Variants in FN1 observed in about 807,000 individuals in gnomAD.
FN1 encodes fibronectin.
FN1 carries 106 observed loss-of-function variants against 297.3 expected under a neutral mutation model. The observed-to-expected ratio is 0.36, with a 90% CI of 0.30 to 0.42. FN1 has a LOEUF of 0.42. Ranked by LOEUF, FN1 falls within the 10% of genes least tolerant of loss-of-function variation. The pLI is 1.00. For synonymous variants in FN1, 1,149 were observed against 1,152.6 expected, an observed-to-expected ratio of 1.00 and a Z score of 0.06; for missense variants, 2,690 against 3,124.9, an observed-to-expected ratio of 0.86 and a Z score of 3.32.
At position 215,373,413 on chromosome 2, in the gene FN1, T is replaced by A. The variant is rs112821583; in HGVS notation, c.6158-2A>T. ...TATATTCGGTTCCCGGTTCCAGGCCTGAAGGGAGAATAGAACCATCACATT... is the reference window on the plus strand; with the variant it reads ...TATATTCGGTTCCCGGTTCCAGGCCAGAAGGGAGAATAGAACCATCACATT... On this transcript the variant is annotated splice_acceptor_variant, in intron 38 of 45. Transcript: ENST00000354785. LOFTEE classifies it high-confidence loss of function. 1 of 1,611,034 alleles carries A rather than the reference T, an allele frequency of 6.2e-7. No individual in the cohort carries two copies. Among genetic ancestry groups the A allele is most frequent in the Admixed American group, 1.7e-5 (1 of 59,950 alleles).
rs2118413 is a variant in FN1, at chr2:215,393,183, G to T, written c.3817C>A (p.Leu1273Ile). Residue 1273 changes from leucine (L) to isoleucine (I), a missense_variant, in exon 25 of 46, where the codon CTA (leucine) becomes ATA (isoleucine). Leu to Ile is a conservative substitution (Grantham distance 5). Coordinates refer to ENST00000354785, the MANE Select transcript of FN1 (RefSeq NM_212482.4). ...GAATCGGTTATATCAACAAAGCTTA[G>T]GTCAGTGAGTTGGGGCACCTCTATT... is the stretch of plus-strand genomic sequence containing the variant. ...IIPEVPQLTD[L>I]SFVDITDSSI... The T allele has an allele frequency of 6.2e-7, 1 of 1,613,856 alleles. No homozygotes were observed.
At chr2:215,422,272 T>C in intron 9 of FN1, 29 bp from the exon 10 acceptor site, 1 of 1,608,574 alleles carries the variant, frequency 6.2e-7, no homozygotes, top group Non-Finnish European at 8.5e-7. Context: ...GAAATGCACT[T>C]GATAAATGAT....
intron 42 of FN1, chr2:215,367,605 C>A (rs2054891288): frequency 4.1e-6 from 2 of 484,820 alleles, no homozygotes; most frequent in Non-Finnish European, 7.5e-6. Context: ...TTTCAAAAAT[C>A]AAATTAGCAC....
Position 215,409,547 on chromosome 2 carries a change from G to A in FN1, c.2299+16C>T, listed in dbSNP as rs201231230. On this transcript the variant is annotated intron_variant, in intron 15 of 45. Transcript: ENST00000354785. Reference sequence around the variant, plus strand: ...CAGCTGCCCTGAACCTGTCTTGAGCGACATATTGAGCTTACCCAGGTACTG... The same window carrying A: ...CAGCTGCCCTGAACCTGTCTTGAGCAACATATTGAGCTTACCCAGGTACTG... 3.0e-5 allele frequency: 48 copies of A among 1,611,652 alleles called. No individual in the cohort carries two copies. The East Asian group carries it at 5.1e-4, about 17-fold the overall frequency.
At chr2:215,368,433 C>T (rs1413472407) in intron 41 of FN1, among the ~76,000 whole-genome samples, 2 of 152,182 alleles carry the variant, frequency 1.3e-5, no homozygotes, top group Non-Finnish European at 2.9e-5. Context: ...TTGCTTCCCT[C>T]ATCTGCAATA....
At chr2:215,370,194 GAT>G in intron 41 of FN1, 98 bp downstream of exon 41, 1 of 1,244,646 alleles carries the variant, frequency 8.0e-7, no homozygotes, top group Non-Finnish European at 1.2e-6. Context: ...AAATCCCAAA[GAT>G]AAAAAGACAA....
chr2:215,408,733 A>G (rs2062140663), intron 15 of FN1, among the ~76,000 whole-genome samples: 1 of 151,304 alleles, frequency 6.6e-6, no homozygotes, highest in African/African-American at 2.4e-5. Context: ...ACACCCGGCT[A>G]TTTTTTTTGC....
Position 215,428,284 on chromosome 2 carries a change from C to G in FN1, c.740G>C (p.Ser247Thr). 3.7e-6 allele frequency: 6 copies of G among 1,614,178 alleles called. No homozygotes were observed. The highest frequency in any genetic ancestry group is 5.1e-6 in the Non-Finnish European group (6 of 1,179,980). Residue 247 changes from serine (S) to threonine (T), a missense_variant, in exon 6 of 46, where the codon AGC (serine) becomes ACC (threonine). Physicochemically the swap from Ser to Thr is moderately conservative, Grantham distance 58 (BLOSUM62 1). This residue lies in a region of FN1 where 876 missense variants were observed against 1,058.1 expected (regional missense o/e 0.83). Coordinates refer to ENST00000354785, the MANE Select transcript of FN1 (RefSeq NM_212482.4). Reference sequence around the variant, plus strand: ...CAGGTTTCCTCGATTATCCTTCTTGCTCCAGGTGTCTCCAATTCTATAGGA... The same window carrying G: ...CAGGTTTCCTCGATTATCCTTCTTGGTCCAGGTGTCTCCAATTCTATAGGA... Reference protein sequence around the residue: ...RTSYRIGDTWSKKDNRGNLLQ... With the variant: ...RTSYRIGDTWTKKDNRGNLLQ...
At chr2:215,393,333 A>G (rs2059933111) in intron 24 of FN1, 130 bp from the exon 25 acceptor site, 1 of 817,014 alleles carries the variant, frequency 1.2e-6, no homozygotes, top group Non-Finnish European at 1.9e-6. Context: ...AATGATGGTA[A>G]TATGCAATCT....
intron 38 of FN1, 135 bp downstream of exon 38, chr2:215,375,079 A>T (rs763424364): frequency 5.6e-6 from 5 of 900,700 alleles, no homozygotes; most frequent in Non-Finnish European, 9.1e-6. Flanking sequence ...CTACACAGAG[A>T]ATGCTTTTTG....
intron 20 of FN1, among the ~76,000 whole-genome samples, chr2:215,401,543 T>G (rs1168055924): frequency 6.6e-6 from 1 of 152,154 alleles, no homozygotes; most frequent in Non-Finnish European, 1.5e-5. Flanking sequence ...CAATTCTTCC[T>G]CTCTTTACAT....
intron 44 of FN1, chr2:215,363,410 C>G (rs1040353178): frequency 6.6e-6 from 1 of 151,952 alleles, no homozygotes; most frequent in African/African-American, 2.4e-5. Flanking sequence ...GAGAGAGATA[C>G]TGAATTCAAT....
intron 17 of FN1, 140 bp downstream of exon 17, chr2:215,407,963 CACACA>C: frequency 1.6e-6 from 1 of 644,030 alleles, no homozygotes; most frequent in Non-Finnish European, 2.8e-6. Context: ...GCCACACACA[CACACA>C]CACACACACA....
At position 215,375,200 on chromosome 2, in the gene FN1, G is replaced by T; in HGVS notation, c.6157+14C>A. On this transcript the variant is annotated intron_variant, in intron 38 of 45. Transcript: ENST00000354785. ...GTAGTAAGAAGGAAAATGACAGCAT[G>T]GAAGCAGCAATACCAGTAATAGTAG... 2 of 1,613,456 alleles carry T rather than the reference G, an allele frequency of 1.2e-6. No homozygotes were observed. The highest frequency in any genetic ancestry group is 1.7e-6 in the Non-Finnish European group (2 of 1,179,416).
chr2:215,397,999 T>A (rs2060508051), intron 21 of FN1, 151 bp from the exon 22 acceptor site: 1 of 744,506 alleles, frequency 1.3e-6, no homozygotes, highest in Non-Finnish European at 2.3e-6. Context: ...GACTCTTTTA[T>A]ATACTTTAGC....
chr2:215,419,316 C>G lies in FN1; in HGVS notation c.1745G>C (p.Gly582Ala), dbSNP rs751937887. 2 of 1,612,504 alleles carry G rather than the reference C, an allele frequency of 1.2e-6. No homozygotes were observed. The highest frequency in any genetic ancestry group is 1.7e-5 in the Admixed American group (1 of 60,008). ...ATAGCAGTAGCACTGGTATCTGACA[C>G]CATGCACATACTTCTCCCATGAATC... Reference protein sequence around the residue: ...IGDSWEKYVHGVRYQCYCYGR... With the variant: ...IGDSWEKYVHAVRYQCYCYGR... Residue 582 changes from glycine to alanine, a missense_variant, in exon 12 of 46, where the codon GGT (glycine) becomes GCT (alanine). This residue lies in a region of FN1 where 876 missense variants were observed against 1,058.1 expected (regional missense o/e 0.83). Transcript: ENST00000354785.
chr2:215,371,113 CA>C lies in FN1; in HGVS notation c.6715-682del, dbSNP rs1038000541. Among the ~76,000 whole-genome samples, 5 of 139,494 alleles carry C rather than the reference CA, an allele frequency of 3.6e-5. No homozygotes were observed. In the East Asian group the frequency reaches 2.2e-3, roughly 60 times the overall value. 91.5% of individuals were successfully genotyped at this position (139,494 alleles called of 152,430 possible). A position where few individuals can be genotyped will look rare whatever the true frequency, so the allele number is the denominator to read the frequency against. ...TGAAACCCCGTCTCTACTAAAAATA[CA>C]AAAATTAGCTGGGTGCGGTGGCACA... On this transcript the variant is annotated intron_variant, in intron 40 of 45. Coordinates refer to ENST00000354785, the MANE Select transcript of FN1 (RefSeq NM_212482.4).
At position 215,385,108 on chromosome 2, in the gene FN1, A is replaced by G. The variant is rs554722248; in HGVS notation, c.4613-132T>C. On this transcript the variant is annotated intron_variant, in intron 28 of 45. Coordinates refer to ENST00000354785, the MANE Select transcript of FN1 (RefSeq NM_212482.4). The stretch of plus-strand genomic sequence containing the variant: ...CATGTAAATACTACGTGTAATTAGC[A>G]GAATTTTATATTATGACGAATTCAA... The G allele has an allele frequency of 4.5e-5, 32 of 707,142 alleles. No homozygotes were observed. In the African/African-American group the frequency reaches 4.6e-4, roughly 10 times the overall value. The allele number at this position is 707,142 out of a possible 1,614,324, so 43.8% of individuals were successfully genotyped here. A position where few individuals can be genotyped will look rare whatever the true frequency, so the allele number is the denominator to read the frequency against.
Position 215,368,029 on chromosome 2 carries a change from T to G in FN1, c.6854-2A>C. The G allele has an allele frequency of 2.5e-6, 4 of 1,614,066 alleles. No homozygotes were observed. The highest frequency in any genetic ancestry group is 3.4e-6 in the Non-Finnish European group (4 of 1,179,936). ...TAGGTTGGTTCAAGCCTTCGTTGAC[T>G]ATGAAGAAAAGGAAGAAAAAGCAAA... On this transcript the variant is annotated splice_acceptor_variant, in intron 41 of 45. Coordinates refer to ENST00000354785, the MANE Select transcript of FN1 (RefSeq NM_212482.4). LOFTEE classifies it high-confidence loss of function.
Sources: gnomAD v4.1 joint callset for allele counts (sites outside exome capture counted in the v4.1 genomes callset) on GRCh38, gnomAD v4.1.1 for gene constraint, gnomAD v4.1.1 regional missense constraint, MANE v1.5 for transcripts, NCBI Gene and HGNC (gene_info 2026-07-23, HGNC 2026-07-21) for gene names.